Variants in POLR1F observed in about 807,000 individuals in gnomAD.
POLR1F encodes the protein RNA polymerase I subunit F, also known as DNA-directed RNA polymerase I subunit RPA43.
A neutral mutation model predicts 21.8 loss-of-function variants in POLR1F; 23 were observed. The ratio of observed to expected loss-of-function variants is 1.05; its 90% confidence interval spans 0.76 to 1.49. The LOEUF (loss-of-function observed/expected upper bound fraction) is 1.49, where lower values mean the gene tolerates loss of function less well. Ranked by LOEUF, POLR1F falls within the 40% of genes most tolerant of loss-of-function variation. The probability of loss-of-function intolerance (pLI) is 0.00; values close to 1 mark genes in which losing one functional copy is unlikely to be tolerated. For missense variants in POLR1F, 435 were observed against 412.1 expected (o/e 1.06, Z -0.48); for synonymous variants, 162 against 152.8 (o/e 1.06, Z -0.45).
intron 2 of POLR1F, among the ~76,000 whole-genome samples, chr7:19,700,656 A>G (rs1366422418): frequency 6.6e-6 from 1 of 152,224 alleles, no homozygotes; most frequent in East Asian, 1.9e-4. Flanking sequence ...CTTTAGCTAC[A>G]TTGAAACCAA....
At chr7:19,708,146 G>A (rs1439347837) in intron 1 of POLR1F, among the ~76,000 whole-genome samples, 2 of 152,016 alleles carry the variant, frequency 1.3e-5, no homozygotes, top group Non-Finnish European at 2.9e-5. Context: ...AAAGCAACAG[G>A]CTCACTAGTT....
At position 19,697,205 on chromosome 7, in the gene POLR1F, C is replaced by A. The variant is rs995095772; in HGVS notation, c.*1111G>T. 9.2e-5 allele frequency: 14 copies of A among 152,008 alleles called. No individual in the cohort carries two copies. The highest frequency in any genetic ancestry group is 8.5e-4 in the Admixed American group (13 of 15,248). 9.4% of individuals were successfully genotyped at this position (152,008 alleles called of 1,614,324 possible). A position where few individuals can be genotyped will look rare whatever the true frequency, so the allele number is the denominator to read the frequency against. On this transcript the variant is annotated 3_prime_UTR_variant, in exon 4 of 4. Coordinates refer to ENST00000222567, the MANE Select transcript of POLR1F (RefSeq NM_001002926.2). ...AACAATCCTCCCCCTTTTTTTCATA[C>A]CACTTAATACAATTATTAATTTTCT... is the stretch of plus-strand genomic sequence containing the variant.
intron 2 of POLR1F, among the ~76,000 whole-genome samples, chr7:19,703,941 TAA>T (rs1406456022): frequency 6.6e-6 from 1 of 152,242 alleles, no homozygotes; most frequent in Non-Finnish European, 1.5e-5. Flanking sequence ...AGATGAAAGT[TAA>T]GTTTGTTAAT....
At chr7:19,706,569 A>G (rs1170240354) in intron 1 of POLR1F, among the ~76,000 whole-genome samples, 1 of 152,182 alleles carries the variant, frequency 6.6e-6, no homozygotes, top group Non-Finnish European at 1.5e-5. Flanking sequence ...CAATGAGGAA[A>G]TGTCCTTCGC....
intron 3 of POLR1F, among the ~76,000 whole-genome samples, chr7:19,699,624 T>G (rs542841450): frequency 1.4e-4 from 21 of 152,298 alleles, no homozygotes; most frequent in South Asian, 6.2e-4. Context: ...TCAGAGTTAA[T>G]TCTTATAATA....
At chr7:19,700,369 C>A in intron 2 of POLR1F, 89 bp from the exon 3 acceptor site, 1 of 959,698 alleles carries the variant, frequency 1.0e-6, no homozygotes, top group Non-Finnish European at 1.6e-6. Flanking sequence ...TTCAAATAAT[C>A]TTCAAAGAAC....
At chr7:19,699,565 C>A (rs545102811) in intron 3 of POLR1F, among the ~76,000 whole-genome samples, 1 of 152,158 alleles carries the variant, frequency 6.6e-6, no homozygotes, top group Non-Finnish European at 1.5e-5. Flanking sequence ...TAAGAGTTGT[C>A]TCTCTCCTTC....
Position 19,696,245 on chromosome 7 carries a change from G to C in POLR1F, c.*2071C>G, listed in dbSNP as rs374578550. Reference sequence around the variant, plus strand: ...AACAAAGTTATGCTATTCTAGGAAAGACAAATGGCCAGATCTGACTTTTCA... The same window carrying C: ...AACAAAGTTATGCTATTCTAGGAAACACAAATGGCCAGATCTGACTTTTCA... On this transcript the variant is annotated 3_prime_UTR_variant, in exon 4 of 4. Transcript: ENST00000222567. 1 of 152,064 alleles carries C rather than the reference G, an allele frequency of 6.6e-6. No individual in the cohort carries two copies. Among genetic ancestry groups the C allele is most frequent in the South Asian group, 2.1e-4 (1 of 4,832 alleles). The allele number at this position is 152,064 out of a possible 1,614,324, so 9.4% of individuals were successfully genotyped here.
chr7:19,697,861 C>A lies in POLR1F; in HGVS notation c.*455G>T, dbSNP rs902943222. On this transcript the variant is annotated 3_prime_UTR_variant, in exon 4 of 4. Transcript: ENST00000222567. ...TGTAGAAAGCCATGATAAAGGAAAA[C>A]CTAAAATTAGTTAATGTCCTGAGTT... 1 of 152,226 alleles carries A rather than the reference C, an allele frequency of 6.6e-6. No homozygotes were observed. The highest frequency in any genetic ancestry group is 2.4e-5 in the African/African-American group (1 of 41,372). 9.4% of individuals were successfully genotyped at this position (152,226 alleles called of 1,614,324 possible). A position where few individuals can be genotyped will look rare whatever the true frequency, so the allele number is the denominator to read the frequency against.
In POLR1F at chr7:19,698,740, A is replaced by C; in HGVS notation, c.606-13T>G. On this transcript the variant is annotated splice_polypyrimidine_tract_variant and intron_variant, in intron 3 of 3. Coordinates refer to ENST00000222567, the MANE Select transcript of POLR1F (RefSeq NM_001002926.2). ...CTTGAATTGTAAACTATAAATTAACAGTTAAAAAAATTAACAGAACAATAA... is the reference window on the plus strand; with the variant it reads ...CTTGAATTGTAAACTATAAATTAACCGTTAAAAAAATTAACAGAACAATAA... The C allele has an allele frequency of 1.3e-6, 2 of 1,498,172 alleles. No homozygotes were observed. Among genetic ancestry groups the C allele is most frequent in the Non-Finnish European group, 1.8e-6 (2 of 1,130,858 alleles). 92.8% of individuals were successfully genotyped at this position (1,498,172 alleles called of 1,614,324 possible). A position where few individuals can be genotyped will look rare whatever the true frequency, so the allele number is the denominator to read the frequency against.
chr7:19,699,629 A>C (rs758325955), intron 3 of POLR1F, among the ~76,000 whole-genome samples: 5 of 152,214 alleles, frequency 3.3e-5, no homozygotes, highest in Non-Finnish European at 7.4e-5. Context: ...GTTAATTCTT[A>C]TAATAATTTC....
Position 19,696,083 on chromosome 7 carries a change from T to C in POLR1F, c.*2233A>G, listed in dbSNP as rs1249976627. The stretch of plus-strand genomic sequence containing the variant: ...AGGGTAAGGGATCTAGTCTAGGCTA[T>C]AGGGTTTGTATGAGCAAATTCCAAG... On this transcript the variant is annotated 3_prime_UTR_variant, in exon 4 of 4. Transcript: ENST00000222567. The C allele has an allele frequency of 1.2e-4, 19 of 152,088 alleles. No individual in the cohort carries two copies. Among genetic ancestry groups the C allele is most frequent in the Admixed American group, 1.2e-3 (19 of 15,266 alleles). The allele number at this position is 152,088 out of a possible 1,614,324, so 9.4% of individuals were successfully genotyped here.
At chr7:19,704,942 A>G in intron 1 of POLR1F, 22 bp from the exon 2 acceptor site, 1 of 1,547,714 alleles carries the variant, frequency 6.5e-7, no homozygotes, top group Non-Finnish European at 8.6e-7. Context: ...AAAAGTTGAA[A>G]ATGATACCTT....
chr7:19,696,984 TG>T lies in POLR1F; in HGVS notation c.*1331del, dbSNP rs1384965136. 1 of 152,088 alleles carries T rather than the reference TG, an allele frequency of 6.6e-6. No individual in the cohort carries two copies. Among genetic ancestry groups the T allele is most frequent in the Non-Finnish European group, 1.5e-5 (1 of 67,936 alleles). The allele number at this position is 152,088 out of a possible 1,614,324, so 9.4% of individuals were successfully genotyped here. A position where few individuals can be genotyped will look rare whatever the true frequency, so the allele number is the denominator to read the frequency against. On this transcript the variant is annotated 3_prime_UTR_variant, in exon 4 of 4. Transcript: ENST00000222567. The stretch of plus-strand genomic sequence containing the variant: ...CTACTTGTAGACAATTGTGAACATC[TG>T]CCACTCTGCCAATTCTATATCCCAT...
At chr7:19,705,048 C>T (rs953731190) in intron 1 of POLR1F, 128 bp from the exon 2 acceptor site, 4 of 881,436 alleles carry the variant, frequency 4.5e-6, no homozygotes, top group Admixed American at 3.5e-5. Context: ...ACTGCAGCCT[C>T]GACCTCCTGG....
rs1348840884 is a variant in POLR1F at position 19,698,200 on chromosome 7, G to A, written c.*116C>T. ...TATAAAGCCTCCTACTCCTAGTTAA[G>A]TATTTTCTGTTTTGTAAACTACTGG... On this transcript the variant is annotated 3_prime_UTR_variant, in exon 4 of 4. Transcript: ENST00000222567. 7 of 924,544 alleles carry A rather than the reference G, an allele frequency of 7.6e-6. No homozygotes were observed. Among genetic ancestry groups the A allele is most frequent in the Non-Finnish European group, 7.5e-6 (5 of 670,718 alleles). The allele number at this position is 924,544 out of a possible 1,614,324, so 57.3% of individuals were successfully genotyped here.
chr7:19,708,764 T>G lies in POLR1F; in HGVS notation c.253A>C (p.Ser85Arg), dbSNP rs765917557. 1.1e-5 allele frequency: 17 copies of G among 1,610,464 alleles called. No individual in the cohort carries two copies. The African/African-American group carries it at 2.0e-4, about 19-fold the overall frequency. ...AGGAACAGGCAAAGAGATCGGTACC[T>G]CTCAGAATAGCGAAGGAGCTCCGCA... ...LDAELLRYSE[S>R]LLGVPIAYDN... Residue 85 changes from serine (S) to arginine (R), a missense_variant and splice_region_variant, in exon 1 of 4, where the codon AGC becomes CGC. By Grantham distance (110) the Ser-to-Arg change is moderately radical. Transcript: ENST00000222567.
At chr7:19,707,494 T>G (rs2128007412) in intron 1 of POLR1F, among the ~76,000 whole-genome samples, 1 of 152,336 alleles carries the variant, frequency 6.6e-6, no homozygotes, top group East Asian at 1.9e-4. Flanking sequence ...GCCTTTCCCC[T>G]GACATAAACC....
At chr7:19,704,070 T>A (rs894861593) in intron 2 of POLR1F, among the ~76,000 whole-genome samples, 6 of 152,212 alleles carry the variant, frequency 3.9e-5, no homozygotes, top group Admixed American at 3.9e-4. Flanking sequence ...ATTGGAAGTG[T>A]CTTGTGGGTT....
Sources: allele counts gnomAD v4.1 joint callset (sites outside exome capture counted in the v4.1 genomes callset), GRCh38; gene constraint gnomAD v4.1.1; transcripts MANE v1.5; gene names NCBI Gene and HGNC (gene_info 2026-07-23, HGNC 2026-07-21).